Variants in CCDC7 observed in about 807,000 individuals in gnomAD.
CCDC7 encodes the protein coiled-coil domain-containing protein 7.
In CCDC7, 183 loss-of-function variants were observed where a neutral mutation model predicts 196.9. The observed-to-expected ratio is 0.93, with a 90% CI of 0.82 to 1.05. The LOEUF (loss-of-function observed/expected upper bound fraction) is 1.05, where lower values mean the gene tolerates loss of function less well. Ranked by LOEUF, CCDC7 falls within the 50% of genes least tolerant of loss-of-function variation. The probability of loss-of-function intolerance (pLI) is 0.00; values close to 1 mark genes in which losing one functional copy is unlikely to be tolerated. For missense variants in CCDC7, 1,540 were observed against 1,482.2 expected (o/e 1.04, Z -0.64); for synonymous variants, 525 against 484.6 (o/e 1.08, Z -1.10).
intron 21 of CCDC7, among the ~76,000 whole-genome samples, chr10:32,678,486 TG>T (rs1485505122): frequency 6.6e-6 from 1 of 152,184 alleles, no homozygotes; most frequent in Non-Finnish European, 1.5e-5. Flanking sequence ...TCAGGGTTTG[TG>T]GGCAAGCCTA....
intron 24 of CCDC7, among the ~76,000 whole-genome samples, chr10:32,695,734 C>T (rs540807826): frequency 1.3e-5 from 2 of 152,278 alleles, no homozygotes; most frequent in African/African-American, 4.8e-5. Context: ...TAATGCAGCC[C>T]ATTTAATGTA....
At chr10:32,819,506 CA>C (rs767942513) in intron 31 of CCDC7, among the ~76,000 whole-genome samples, 23 of 151,838 alleles carry the variant, frequency 1.5e-4, no homozygotes, top group Admixed American at 2.6e-4. Context: ...GACAGAGACA[CA>C]ACAAAAAAAA....
At chr10:32,448,100 A>G (rs1220321639), upstream of CCDC7, among the ~76,000 whole-genome samples, 1 of 152,330 alleles carries the variant, frequency 6.6e-6, no homozygotes, top group Admixed American at 6.5e-5. Context: ...CTATGCATTC[A>G]GTTAACTATA....
chr10:32,852,365 C>A (rs2093596624), intron 40 of CCDC7, among the ~76,000 whole-genome samples: 1 of 152,150 alleles, frequency 6.6e-6, no homozygotes, highest in Non-Finnish European at 1.5e-5. Context: ...TTATCATCTA[C>A]CTAGGCTTTT....
chr10:32,676,636 C>T (rs1297808318), intron 21 of CCDC7, among the ~76,000 whole-genome samples: 12 of 152,138 alleles, frequency 7.9e-5, no homozygotes, highest in Middle Eastern at 3.4e-3. Flanking sequence ...CCATCACTGG[C>T]CATCAGAGAA....
At chr10:32,843,118 AAAAAT>A (rs1469608887) in intron 33 of CCDC7, among the ~76,000 whole-genome samples, 25 of 150,698 alleles carry the variant, frequency 1.7e-4, no homozygotes, top group African/African-American at 6.2e-4. Context: ...AAAAAATTTA[AAAAAT>A]AAAATAACAC....
intron 13 of CCDC7, among the ~76,000 whole-genome samples, chr10:32,548,524 C>G (rs1003606796): frequency 4.8e-4 from 73 of 152,128 alleles, no homozygotes; most frequent in Non-Finnish European, 1.0e-4. Context: ...TTTAAAATGG[C>G]GGACAAAGAA....
At chr10:32,584,039 G>T (rs1564732977) in intron 17 of CCDC7, among the ~76,000 whole-genome samples, 193 bp from the exon 19 acceptor site, 1 of 152,006 alleles carries the variant, frequency 6.6e-6, no homozygotes, top group African/African-American at 2.4e-5. Context: ...TGCCTCTCAG[G>T]TCCATTAATT....
At chr10:32,635,032 A>C (rs927781761) in intron 19 of CCDC7, 25 bp from the exon 21 acceptor site, 2 of 396,320 alleles carry the variant, frequency 5.0e-6, no homozygotes, top group East Asian at 3.7e-5. Context: ...CAGAAGTTTT[A>C]TCATAGATCT....
intron 11 of CCDC7, among the ~76,000 whole-genome samples, chr10:32,521,948 A>G (rs1045114455): frequency 2.0e-5 from 3 of 152,204 alleles, no homozygotes; most frequent in Non-Finnish European, 2.9e-5. Context: ...TTCAGCGTCA[A>G]TTGAAATGAT....
intron 8 of CCDC7, among the ~76,000 whole-genome samples, chr10:32,490,544 C>A (rs987564508): frequency 6.6e-6 from 1 of 152,136 alleles, no homozygotes; most frequent in African/African-American, 2.4e-5. Flanking sequence ...CGCCTGTAAT[C>A]CCAGCACTTT....
chr10:32,495,004 C>G (rs1201203738), intron 9 of CCDC7, among the ~76,000 whole-genome samples: 1 of 152,200 alleles, frequency 6.6e-6, no homozygotes, highest in East Asian at 1.9e-4. Context: ...AATTTACACT[C>G]CCACCAACAG....
intron 21 of CCDC7, among the ~76,000 whole-genome samples, chr10:32,668,832 A>G (rs2073412630): frequency 1.3e-5 from 2 of 151,964 alleles, no homozygotes; most frequent in South Asian, 4.1e-4. Context: ...ATATTGGTTT[A>G]TGTTATCTGA....
chr10:32,677,089 A>G (rs1398626183), intron 21 of CCDC7, among the ~76,000 whole-genome samples: 1 of 151,232 alleles, frequency 6.6e-6, no homozygotes, highest in Non-Finnish European at 1.5e-5. Flanking sequence ...ATTGGAAATC[A>G]TCATTCTCAG....
At chr10:32,739,506 A>G (rs1447611314) in intron 28 of CCDC7, among the ~76,000 whole-genome samples, 3 of 151,796 alleles carry the variant, frequency 2.0e-5, no homozygotes, top group Non-Finnish European at 4.4e-5. Flanking sequence ...TGCTTACATT[A>G]TCTATTTCTT....
In CCDC7 at chr10:32,691,467, T is replaced by C. The variant is rs558684930; in HGVS notation, c.2344+2304T>C. Among the ~76,000 whole-genome samples the C allele has an allele frequency of 1.4e-3, 218 of 152,278 alleles. 1 individual carries two copies. Among genetic ancestry groups the C allele is most frequent in the African/African-American group, 5.0e-3 (207 of 41,560 alleles). On this transcript the variant is annotated intron_variant, in intron 23 of 41. Coordinates refer to ENST00000639629, the Ensembl canonical transcript of CCDC7. Reference sequence around the variant, plus strand: ...GGTCACACTGTTCACTGGTCACACATTGCTATCTTGGTGGTAGATGCTTTT... The same window carrying C: ...GGTCACACTGTTCACTGGTCACACACTGCTATCTTGGTGGTAGATGCTTTT...
At chr10:32,449,740 A>G (rs2032505371), upstream of CCDC7, among the ~76,000 whole-genome samples, 1 of 152,262 alleles carries the variant, frequency 6.6e-6, no homozygotes, top group Admixed American at 6.5e-5. Flanking sequence ...TTGGGACCCA[A>G]TTCAACATAT....
chr10:32,494,914 A>G (rs2042681838), intron 9 of CCDC7, among the ~76,000 whole-genome samples: 1 of 152,168 alleles, frequency 6.6e-6, no homozygotes, highest in Non-Finnish European at 1.5e-5. Context: ...ATACCCAGTA[A>G]TGGGATTGCT....
At chr10:32,820,754 G>A (rs2090000707) in intron 31 of CCDC7, among the ~76,000 whole-genome samples, 1 of 152,192 alleles carries the variant, frequency 6.6e-6, no homozygotes, top group Admixed American at 6.5e-5. Context: ...GAGAAAACTG[G>A]CTAGCCATAT....
Sources: gnomAD v4.1 joint callset for allele counts (sites outside exome capture counted in the v4.1 genomes callset) on GRCh38, gnomAD v4.1.1 for gene constraint, MANE v1.5 for transcripts, NCBI Gene and HGNC (gene_info 2026-07-23, HGNC 2026-07-21) for gene names.